Variants in GPCPD1 observed in about 807,000 individuals in gnomAD.
The protein encoded by GPCPD1 is glycerophosphocholine phosphodiesterase 1.
A neutral mutation model predicts 89.2 loss-of-function variants in GPCPD1; 29 were observed. That is an observed-to-expected ratio of 0.33 (90% confidence interval 0.24 to 0.44). The LOEUF is 0.44. GPCPD1 is among the 20% of genes least tolerant of loss of function. The pLI is 1.00. For missense variants in GPCPD1, 594 were observed against 808.9 expected (o/e 0.73, Z 3.22); for synonymous variants, 258 against 266.3 (o/e 0.97, Z 0.30).
chr20:5,593,256 T>C (rs1979458527), intron 4 of GPCPD1, 71 bp downstream of exon 4: 1 of 767,252 alleles, frequency 1.3e-6, no homozygotes, highest in African/African-American at 1.7e-5. Flanking sequence ...ACTTTGAACG[T>C]GTTCAAACTT....
chr20:5,557,900 C>T, intron 19 of GPCPD1, 45 bp downstream of exon 19: 1 of 1,070,450 alleles, frequency 9.3e-7, no homozygotes, highest in Non-Finnish European at 1.4e-6. Context: ...AAGATGAAAT[C>T]TATACTTCTA....
intron 1 of GPCPD1, among the ~76,000 whole-genome samples, chr20:5,607,846 A>T (rs1458418187): frequency 6.6e-6 from 1 of 151,300 alleles, no homozygotes; most frequent in East Asian, 1.9e-4. Flanking sequence ...AAAGCCTGAC[A>T]TTTAAATTAC....
intron 19 of GPCPD1, chr20:5,549,399 C>T: frequency 8.3e-7 from 1 of 1,211,818 alleles, no homozygotes; most frequent in South Asian, 1.2e-5. Context: ...GGACTTCCTC[C>T]AAACATCGTG....
intron 19 of GPCPD1, among the ~76,000 whole-genome samples, chr20:5,554,283 C>T (rs1018035230): frequency 1.3e-5 from 2 of 151,868 alleles, no homozygotes; most frequent in Admixed American, 1.3e-4. Flanking sequence ...CAGGCCCGGC[C>T]GAACAACAGA....
intron 1 of GPCPD1, among the ~76,000 whole-genome samples, chr20:5,608,209 T>C (rs554421518): frequency 3.9e-5 from 6 of 152,308 alleles, no homozygotes; most frequent in African/African-American, 1.4e-4. Flanking sequence ...GAGTCTTTTA[T>C]TCTCAAAGAT....
chr20:5,551,437 C>T (rs1235854938), intron 19 of GPCPD1, among the ~76,000 whole-genome samples: 1 of 152,080 alleles, frequency 6.6e-6, no homozygotes, highest in Non-Finnish European at 1.5e-5. Context: ...ATGTTCACAG[C>T]AACACTATAA....
In GPCPD1 at chr20:5,558,082, G is replaced by C; in HGVS notation, c.1692C>G (p.Asp564Glu). The stretch of plus-strand genomic sequence containing the variant: ...GAATATAGGATGGGTTTCTGAGCAA[G>C]TCTTCAGTATGTACATTTATCCCCT... ...NLLGINVHTE[D>E]LLRNPSYIQE... Residue 564 changes from aspartate to glutamate, a missense_variant, in exon 19 of 20, where the codon GAC becomes GAG. Asp to Glu is a conservative substitution (Grantham distance 45). Coordinates refer to ENST00000379019, the MANE Select transcript of GPCPD1 (RefSeq NM_019593.5). 1 of 1,600,208 alleles carries C rather than the reference G, an allele frequency of 6.2e-7. No homozygotes were observed. The highest frequency in any genetic ancestry group is 8.5e-7 in the Non-Finnish European group (1 of 1,170,756).
intron 19 of GPCPD1, among the ~76,000 whole-genome samples, chr20:5,557,457 A>G (rs1292068083): frequency 1.3e-5 from 2 of 152,234 alleles, no homozygotes; most frequent in Admixed American, 6.5e-5. Flanking sequence ...GGTATGAGAT[A>G]AAGAACAGAG....
chr20:5,584,017 C>A (rs1978737277), intron 6 of GPCPD1, among the ~76,000 whole-genome samples: 1 of 152,196 alleles, frequency 6.6e-6, no homozygotes, highest in African/African-American at 2.4e-5. Flanking sequence ...ATACTACAGT[C>A]ATGCATTGCT....
intron 6 of GPCPD1, among the ~76,000 whole-genome samples, chr20:5,580,692 C>CTCCA (rs949850886): frequency 1.4e-5 from 2 of 147,874 alleles, no homozygotes; most frequent in Non-Finnish European, 3.0e-5. Flanking sequence ...CACCACTGCA[C>CTCCA]TCCAGCCTGG....
chr20:5,547,741 G>T lies in GPCPD1; in HGVS notation c.1939C>A (p.Arg647Ser). ...LKSCLCPTVS[R>S]FVPSSLCGES... ...CCACACAAAGATGAGGGAACAAAGC[G>T]GCTAACAGTGGGACACAAACAGCTC... The change falls in exon 20 of 20, where the codon CGC (arginine) becomes AGC (serine). Residue 647 changes from arginine to serine, a missense_variant. By Grantham distance (110) the Arg-to-Ser change is moderately radical (BLOSUM62 -1). Coordinates refer to ENST00000379019, the MANE Select transcript of GPCPD1 (RefSeq NM_019593.5). 6.2e-7 allele frequency: 1 copy of T among 1,609,832 alleles called. No homozygotes were observed. Among genetic ancestry groups the T allele is most frequent in the African/African-American group, 1.3e-5 (1 of 74,962 alleles).
chr20:5,586,226 G>C lies in GPCPD1; in HGVS notation c.275C>G (p.Thr92Ser), dbSNP rs1308796996. 3.1e-6 allele frequency: 5 copies of C among 1,598,040 alleles called. No homozygotes were observed. The highest frequency in any genetic ancestry group is 4.3e-6 in the Non-Finnish European group (5 of 1,165,620). Residue 92 changes from threonine to serine, a missense_variant, in exon 5 of 20, where the codon ACT becomes AGT. Transcript: ENST00000379019. ...PCQVIVHKWE[T>S]HLQPRSITPL... ...GGTTATTGATCGTGGTTGTAGATGA[G>C]TCTCCCACTTGTGAACTATCACTTG...
chr20:5,588,751 G>A lies in GPCPD1; in HGVS notation c.232-2482C>T, dbSNP rs936603881. 5.8e-4 allele frequency among the ~76,000 whole-genome samples: 88 copies of A among 152,128 alleles called. 3 individuals are homozygous for A. Among genetic ancestry groups the A allele is most frequent in the Non-Finnish European group, 2.9e-5 (2 of 68,014 alleles). On this transcript the variant is annotated intron_variant, in intron 4 of 19. Coordinates refer to ENST00000379019, the MANE Select transcript of GPCPD1 (RefSeq NM_019593.5). ...AAGGCAGGGGAATCCCATGAATCTG[G>A]GAGGCGGAGGCTGCAGTGAGCTGAG...
intron 2 of GPCPD1, among the ~76,000 whole-genome samples, chr20:5,599,077 A>G (rs1294269659): frequency 2.0e-5 from 3 of 152,138 alleles, no homozygotes; most frequent in African/African-American, 7.2e-5. Context: ...CTGTTCAACT[A>G]CTCATTGAGC....
At chr20:5,586,973 C>G (rs1160604298) in intron 4 of GPCPD1, among the ~76,000 whole-genome samples, 1 of 152,142 alleles carries the variant, frequency 6.6e-6, no homozygotes, top group African/African-American at 2.4e-5. Context: ...AAATCTCATA[C>G]AGTGTGACAA....
In GPCPD1 at chr20:5,545,878, T is replaced by C. The variant is rs951102512; in HGVS notation, c.*1783A>G. ...TTCTGTCTCCTTTTTCTCTTTATGATCTGCTTCCCCTCTGTCCTTGAGTCT... is the reference window on the plus strand; with the variant it reads ...TTCTGTCTCCTTTTTCTCTTTATGACCTGCTTCCCCTCTGTCCTTGAGTCT... On this transcript the variant is annotated 3_prime_UTR_variant, in exon 20 of 20. Coordinates refer to ENST00000379019, the MANE Select transcript of GPCPD1 (RefSeq NM_019593.5). The C allele has an allele frequency of 2.6e-5, 4 of 152,314 alleles. No homozygotes were observed. Among genetic ancestry groups the C allele is most frequent in the African/African-American group, 7.2e-5 (3 of 41,440 alleles). 9.4% of individuals were successfully genotyped at this position (152,314 alleles called of 1,614,324 possible). A position where few individuals can be genotyped will look rare whatever the true frequency, so the allele number is the denominator to read the frequency against.
intron 11 of GPCPD1, among the ~76,000 whole-genome samples, chr20:5,572,585 T>C (rs1460084321): frequency 6.6e-6 from 1 of 152,298 alleles, no homozygotes; most frequent in East Asian, 1.9e-4. Flanking sequence ...GAACTATTTT[T>C]TACAAGGCAA....
chr20:5,563,948 A>G (rs1475812581), intron 15 of GPCPD1, among the ~76,000 whole-genome samples: 1 of 152,202 alleles, frequency 6.6e-6, no homozygotes, highest in Non-Finnish European at 1.5e-5. Context: ...TTAAGCTAAT[A>G]AGCTCCACTC....
At chr20:5,605,666 T>C (rs1387629893) in intron 1 of GPCPD1, among the ~76,000 whole-genome samples, 2 of 152,072 alleles carry the variant, frequency 1.3e-5, no homozygotes, top group Admixed American at 1.3e-4. Flanking sequence ...TAATCTCAGC[T>C]ACTCAGGAGG....
Sources: allele counts gnomAD v4.1 joint callset (sites outside exome capture counted in the v4.1 genomes callset), GRCh38; gene constraint gnomAD v4.1.1; transcripts MANE v1.5; gene names NCBI Gene and HGNC (gene_info 2026-07-23, HGNC 2026-07-21).